EML6: variants seen among roughly 807,000 people sequenced by gnomAD.
EML6 encodes the protein echinoderm microtubule-associated protein-like 6.
A neutral mutation model predicts 240.1 loss-of-function variants in EML6; 154 were observed. The ratio of observed to expected loss-of-function variants is 0.64; its 90% CI spans 0.56 to 0.73. The LOEUF (loss-of-function observed/expected upper bound fraction) is 0.73, where lower values mean the gene tolerates loss of function less well. EML6 is among the 30% of genes least tolerant of loss of function. EML6 has a pLI of 0.00. For missense variants in EML6, 2,964 were observed against 2,474.6 expected (o/e 1.20, Z -4.20); for synonymous variants, 1,148 against 899.0 (o/e 1.28, Z -4.95).
chr2:54,958,292 A>G (rs1676329707), intron 33 of EML6, among the ~76,000 whole-genome samples: 1 of 152,098 alleles, frequency 6.6e-6, no homozygotes, highest in African/African-American at 2.4e-5. Context: ...CCCAGGCTCA[A>G]GCGATTCTCC....
chr2:54,801,119 G>A (rs1174338191), intron 2 of EML6, among the ~76,000 whole-genome samples: 1 of 151,984 alleles, frequency 6.6e-6, no homozygotes, highest in African/African-American at 2.4e-5. Flanking sequence ...AGGAGATTGA[G>A]ACCATCCTGG....
chr2:54,851,378 A>C (rs1407301168), intron 10 of EML6, among the ~76,000 whole-genome samples: 1 of 152,190 alleles, frequency 6.6e-6, no homozygotes, highest in Non-Finnish European at 1.5e-5. Flanking sequence ...GCACCACTGC[A>C]CTCCAGCCTG....
At chr2:54,802,656 A>ACTACTACTACTACTACTACTACTG (rs1572921723) in intron 2 of EML6, among the ~76,000 whole-genome samples, 3 of 127,782 alleles carry the variant, frequency 2.3e-5, no homozygotes, top group Non-Finnish European at 5.4e-5. Context: ...TACTACTACT[A>ACTACTACTACTACTACTACTACTG]CTACTACTAC....
At chr2:54,797,513 G>A (rs1669886624) in intron 2 of EML6, among the ~76,000 whole-genome samples, 1 of 152,056 alleles carries the variant, frequency 6.6e-6, no homozygotes, top group African/African-American at 2.4e-5. Flanking sequence ...GCAATAAAGC[G>A]AGTCACACAA....
chr2:54,776,001 C>T (rs1363387135), intron 2 of EML6, among the ~76,000 whole-genome samples: 1 of 151,982 alleles, frequency 6.6e-6, no homozygotes, highest in Non-Finnish European at 1.5e-5. Context: ...ATTATGTATT[C>T]TATTTAATAT....
At chr2:54,731,952 C>T (rs1572832821) in intron 2 of EML6, among the ~76,000 whole-genome samples, 1 of 152,216 alleles carries the variant, frequency 6.6e-6, no homozygotes, top group Non-Finnish European at 1.5e-5. Context: ...AATTCCTCCA[C>T]ATCGTCAAGA....
chr2:54,806,189 A>C (rs2103999763), intron 2 of EML6, among the ~76,000 whole-genome samples: 1 of 152,288 alleles, frequency 6.6e-6, no homozygotes, highest in South Asian at 2.1e-4. Context: ...TTAGGGAGGC[A>C]TCTTCAGATA....
At chr2:54,894,873 A>G (rs1416223282) in intron 19 of EML6, 42 bp from the exon 20 acceptor site, 2 of 1,412,756 alleles carry the variant, frequency 1.4e-6, no homozygotes, top group South Asian at 1.3e-5. Flanking sequence ...GTAATTGGTC[A>G]TTTTGATGTG....
intron 2 of EML6, among the ~76,000 whole-genome samples, chr2:54,807,707 G>C (rs1670571349): frequency 1.3e-5 from 2 of 152,132 alleles, no homozygotes; most frequent in African/African-American, 2.4e-5. Flanking sequence ...TAATTACCAA[G>C]TGACGAGCTT....
intron 2 of EML6, among the ~76,000 whole-genome samples, chr2:54,752,879 C>A (rs183211714): frequency 6.6e-6 from 1 of 152,320 alleles, no homozygotes; most frequent in African/African-American, 2.4e-5. Context: ...ACCTCTGCCT[C>A]CCAGGTTCAA....
chr2:54,797,212 T>TTGAGTCTGAGGAGC (rs1237676683), intron 2 of EML6, among the ~76,000 whole-genome samples: 5 of 144,034 alleles, frequency 3.5e-5, no homozygotes, highest in African/African-American at 1.0e-4. Context: ...AGGTCTAAGG[T>TTGAGTCTGAGGAGC]TGAGTCTGAG....
chr2:54,949,101 A>G lies in EML6; in HGVS notation c.4083+141A>G, dbSNP rs1675835955. ...CTCTCTTTTGTCCCCTCTCCCTCCT[A>G]CGTAGCACTGTGTCTTCCATCCCAG... On this transcript the variant is annotated intron_variant, in intron 29 of 41. Transcript: ENST00000356458. 6 of 665,658 alleles carry G rather than the reference A, an allele frequency of 9.0e-6. No homozygotes were observed. The East Asian group carries it at 1.4e-4, about 15-fold the overall frequency. The allele number at this position is 665,658 out of a possible 1,614,324, so 41.2% of individuals were successfully genotyped here.
At position 54,877,547 on chromosome 2, in the gene EML6, C is replaced by T. The variant is rs147038496; in HGVS notation, c.2345-2000C>T. On this transcript the variant is annotated intron_variant, in intron 16 of 41. Transcript: ENST00000356458. ...CAGAGGCATGCCAACATAGAAACAACCAGACCATATCAAGAGATGTGGAAA... is the reference window on the plus strand; with the variant it reads ...CAGAGGCATGCCAACATAGAAACAATCAGACCATATCAAGAGATGTGGAAA... Among the ~76,000 whole-genome samples the T allele has an allele frequency of 2.3e-3, 347 of 152,160 alleles. 2 individuals carry two copies. The highest frequency in any genetic ancestry group is 4.8e-3 in the East Asian group (25 of 5,184).
At chr2:54,848,128 T>C (rs544122036) in intron 9 of EML6, among the ~76,000 whole-genome samples, 1 of 152,138 alleles carries the variant, frequency 6.6e-6, no homozygotes, top group Admixed American at 6.5e-5. Context: ...TGTTTAGAGG[T>C]GAGCTTTAGT....
At chr2:54,967,781 G>C (rs565436711) in intron 39 of EML6, among the ~76,000 whole-genome samples, 3 of 152,158 alleles carry the variant, frequency 2.0e-5, no homozygotes, top group Admixed American at 6.5e-5. Flanking sequence ...GACCAGGTAG[G>C]GGGTGGGGTT....
In EML6 at chr2:54,863,347, G is replaced by C. The variant is rs574932680; in HGVS notation, c.1826-436G>C. Among the ~76,000 whole-genome samples, 5 of 152,298 alleles carry C rather than the reference G, an allele frequency of 3.3e-5. No individual in the cohort carries two copies. The South Asian group carries it at 1.0e-3, about 32-fold the overall frequency. On this transcript the variant is annotated intron_variant, in intron 12 of 41. Transcript: ENST00000356458. ...AACCTAGGCAATGTGGTGAAACCCT[G>C]TCCCTACAAATAAAATTTAAAAATT...
intron 7 of EML6, among the ~76,000 whole-genome samples, chr2:54,838,978 A>C (rs1232692476): frequency 2.6e-5 from 4 of 152,220 alleles, no homozygotes; most frequent in African/African-American, 9.7e-5. Flanking sequence ...CCATATTCCA[A>C]ATACTAGCTT....
chr2:54,769,847 A>G (rs1341538045), intron 2 of EML6, among the ~76,000 whole-genome samples: 1 of 152,212 alleles, frequency 6.6e-6, no homozygotes, highest in East Asian at 1.9e-4. Context: ...AATCTTGCAT[A>G]ACTGAAACTT....
intron 19 of EML6, among the ~76,000 whole-genome samples, chr2:54,893,728 C>T (rs1412517604): frequency 1.3e-5 from 2 of 152,162 alleles, no homozygotes; most frequent in Admixed American, 1.3e-4. Context: ...ACTCCTAACC[C>T]ATGTCTCAAT....
Sources: gnomAD v4.1 joint callset for allele counts (sites outside exome capture counted in the v4.1 genomes callset) on GRCh38, gnomAD v4.1.1 for gene constraint, MANE v1.5 for transcripts, NCBI Gene and HGNC (gene_info 2026-07-23, HGNC 2026-07-21) for gene names.